NAALADL2: variants seen among roughly 807,000 people sequenced by gnomAD.
The protein encoded by NAALADL2 is inactive N-acetylated-alpha-linked acidic dipeptidase-like protein 2.
NAALADL2 carries 76 observed loss-of-function variants against 87.2 expected under a neutral mutation model. The ratio of observed to expected loss-of-function variants is 0.87; its 90% confidence interval spans 0.72 to 1.05. The LOEUF (loss-of-function observed/expected upper bound fraction) is 1.05, where lower values mean the gene tolerates loss of function less well. NAALADL2 is among the 50% of genes least tolerant of loss of function. The pLI is 0.00. For synonymous variants in NAALADL2, 354 were observed against 331.0 expected (o/e 1.07, Z -0.75); for missense variants, 1,089 against 945.8 (o/e 1.15, Z -1.99).
intron 9 of NAALADL2, among the ~76,000 whole-genome samples, chr3:175,497,259 A>G (rs1728949863): frequency 6.6e-6 from 1 of 152,102 alleles, no homozygotes; most frequent in Non-Finnish European, 1.5e-5. Context: ...GCTGGTTTTT[A>G]TAGCTCAGCC....
At chr3:175,098,670 C>T (rs979532242) in intron 2 of NAALADL2, among the ~76,000 whole-genome samples, 6 of 152,276 alleles carry the variant, frequency 3.9e-5, no homozygotes, top group East Asian at 3.9e-4. Flanking sequence ...TGAAGGGATC[C>T]GCTGCCTGCA....
intron 10 of NAALADL2, among the ~76,000 whole-genome samples, chr3:175,592,678 G>A (rs1366620659): frequency 6.8e-6 from 1 of 146,392 alleles, no homozygotes; most frequent in Non-Finnish European, 1.5e-5. Context: ...TCATAGGTGG[G>A]AATTGAACAA....
At chr3:175,580,615 G>A (rs1719625683) in intron 10 of NAALADL2, among the ~76,000 whole-genome samples, 1 of 152,044 alleles carries the variant, frequency 6.6e-6, no homozygotes, top group South Asian at 2.1e-4. Flanking sequence ...TGTTTCATGT[G>A]GGTAACTACA....
chr3:175,637,960 C>T (rs1028943334), intron 11 of NAALADL2, among the ~76,000 whole-genome samples: 29 of 151,890 alleles, frequency 1.9e-4, no homozygotes, highest in African/African-American at 5.6e-4. Flanking sequence ...TTATTAACAT[C>T]CAATTTAATG....
chr3:174,506,183 C>CTTTT (rs58179047), intron 1 of NAALADL2, among the ~76,000 whole-genome samples: 1 of 141,132 alleles, frequency 7.1e-6, no homozygotes, highest in African/African-American at 2.6e-5. Flanking sequence ...TGGTTTATAT[C>CTTTT]TTTTTTTTTT....
chr3:175,744,966 A>G (rs755181231), intron 12 of NAALADL2, among the ~76,000 whole-genome samples: 9 of 151,950 alleles, frequency 5.9e-5, no homozygotes, highest in Non-Finnish European at 5.9e-5. Flanking sequence ...AAAAAAAAAA[A>G]CTGACCTTCA....
chr3:174,706,813 A>G (rs1012155766), intron 2 of NAALADL2, among the ~76,000 whole-genome samples: 10 of 152,158 alleles, frequency 6.6e-5, no homozygotes, highest in African/African-American at 2.2e-4. Flanking sequence ...TAATTTTTGT[A>G]TAAGGTGTAA....
At position 175,404,215 on chromosome 3, in the gene NAALADL2, A is replaced by AT. The variant is rs1711877389; in HGVS notation, c.1091-43013dup. On this transcript the variant is annotated intron_variant, in intron 5 of 13. Transcript: ENST00000454872. ...AGCAAGTACTTGCTTTGGAGCCAGA[A>AT]TGCCTGGATTCTGATCCTCATCAGT... 5.9e-5 allele frequency among the ~76,000 whole-genome samples: 9 copies of AT among 152,248 alleles called. No homozygotes were observed. The South Asian group carries it at 1.9e-3, about 32-fold the overall frequency.
intron 1 of NAALADL2, among the ~76,000 whole-genome samples, chr3:174,976,465 C>T: frequency 6.6e-6 from 1 of 152,224 alleles, no homozygotes; most frequent in East Asian, 1.9e-4. Flanking sequence ...GAGGAAGTAG[C>T]ATTTCCTATG....
chr3:174,637,795 C>A (rs1054067667), intron 2 of NAALADL2, among the ~76,000 whole-genome samples: 1 of 151,928 alleles, frequency 6.6e-6, no homozygotes, highest in Non-Finnish European at 1.5e-5. Context: ...ACATGTATAT[C>A]TGTATGTACA....
chr3:174,448,272 C>A (rs145082869), intron 1 of NAALADL2, among the ~76,000 whole-genome samples: 1 of 152,160 alleles, frequency 6.6e-6, no homozygotes, highest in Non-Finnish European at 1.5e-5. Flanking sequence ...GACATTGATA[C>A]AATGTGTGTG....
At chr3:175,652,730 G>A (rs948238449) in intron 11 of NAALADL2, among the ~76,000 whole-genome samples, 1 of 151,816 alleles carries the variant, frequency 6.6e-6, no homozygotes, top group African/African-American at 2.4e-5. Flanking sequence ...CGCCCGCCTC[G>A]GCCTCCCAAA....
intron 2 of NAALADL2, among the ~76,000 whole-genome samples, chr3:174,571,553 A>G (rs1050959656): frequency 2.6e-5 from 4 of 151,782 alleles, no homozygotes; most frequent in Admixed American, 2.0e-4. Flanking sequence ...CTAATTTTGT[A>G]TTTTTAGTAG....
intron 3 of NAALADL2, among the ~76,000 whole-genome samples, chr3:174,747,591 C>T (rs535816727): frequency 3.4e-4 from 43 of 125,294 alleles, no homozygotes; most frequent in Non-Finnish European, 5.8e-4. Context: ...CATTGCACTC[C>T]AGCCTGGGTG....
chr3:175,323,349 GA>G (rs1421663315), intron 4 of NAALADL2, among the ~76,000 whole-genome samples: 12 of 104,862 alleles, frequency 1.1e-4, no homozygotes, highest in Admixed American at 6.3e-4. Context: ...GGGGTGGGGG[GA>G]GGGGGGAGGG....
chr3:174,987,788 G>A lies in NAALADL2; in HGVS notation c.44-109002G>A. ...ACCCCAGGCATGCACTACCATACCT[G>A]GTTAATTATATATATATATATAATT... On this transcript the variant is annotated intron_variant, in intron 1 of 13. Coordinates refer to ENST00000454872, the MANE Select transcript of NAALADL2 (RefSeq NM_207015.3). Among the ~76,000 whole-genome samples the A allele has an allele frequency of 1.6e-5, 2 of 128,564 alleles. 1 individual carries two copies. The highest frequency in any genetic ancestry group is 3.0e-5 in the Non-Finnish European group (2 of 65,994). The allele number at this position is 128,564 out of a possible 152,430, so 84.3% of individuals were successfully genotyped here. A position where few individuals can be genotyped will look rare whatever the true frequency, so the allele number is the denominator to read the frequency against.
intron 9 of NAALADL2, among the ~76,000 whole-genome samples, chr3:175,527,847 A>G (rs1733617252): frequency 6.6e-6 from 1 of 152,192 alleles, no homozygotes; most frequent in Admixed American, 6.5e-5. Context: ...CATTTGAAAA[A>G]TAGTTATACA....
At chr3:174,887,400 C>A (rs755886049) in intron 1 of NAALADL2, among the ~76,000 whole-genome samples, 4 of 152,030 alleles carry the variant, frequency 2.6e-5, no homozygotes, top group Non-Finnish European at 4.4e-5. Flanking sequence ...TATATATGTT[C>A]TGTTTATTAG....
At chr3:175,309,559 TAGA>T (rs1363571432) in intron 4 of NAALADL2, among the ~76,000 whole-genome samples, 35 of 151,910 alleles carry the variant, frequency 2.3e-4, no homozygotes, top group African/African-American at 8.2e-4. Context: ...AAAAAAATTA[TAGA>T]AGAACTAGAA....
Sources: allele counts gnomAD v4.1 joint callset (sites outside exome capture counted in the v4.1 genomes callset), GRCh38; gene constraint gnomAD v4.1.1; transcripts MANE v1.5; gene names NCBI Gene and HGNC (gene_info 2026-07-23, HGNC 2026-07-21).